The following CDK14 variants were observed in gnomAD, a reference collection of about 807,000 sequenced individuals.
The protein encoded by CDK14 is cyclin-dependent kinase 14.
CDK14 carries 34 observed loss-of-function variants against 60.7 expected under a neutral mutation model. That is an observed-to-expected ratio of 0.56 (90% CI 0.43 to 0.75). CDK14 has a LOEUF of 0.75. CDK14 is among the 30% of genes least tolerant of loss of function. The pLI is 0.00. For missense variants in CDK14, 482 were observed against 564.1 expected, an observed-to-expected ratio of 0.85 and a Z score of 1.47; for synonymous variants, 197 against 203.7, an observed-to-expected ratio of 0.97 and a Z score of 0.28.
intron 11 of CDK14, among the ~76,000 whole-genome samples, chr7:91,058,515 C>T (rs1797661358): frequency 6.6e-6 from 1 of 152,170 alleles, no homozygotes. Context: ...CCAGTTTTTG[C>T]CCATTCAGTA....
At chr7:91,008,150 C>CAA (rs1197897771) in intron 10 of CDK14, among the ~76,000 whole-genome samples, 8 of 89,546 alleles carry the variant, frequency 8.9e-5, no homozygotes, top group African/African-American at 2.5e-4. Flanking sequence ...AAAAAACAAA[C>CAA]AAAAAAAAAC....
intron 14 of CDK14, among the ~76,000 whole-genome samples, chr7:91,129,004 C>T (rs1800038962): frequency 1.3e-5 from 2 of 152,128 alleles, no homozygotes; most frequent in East Asian, 3.9e-4. Flanking sequence ...GTCTTACTTT[C>T]AGTTTTGTGG....
chr7:91,144,579 G>A lies in CDK14; in HGVS notation c.*28+26371G>A, dbSNP rs889645464. 3.9e-5 allele frequency among the ~76,000 whole-genome samples: 6 copies of A among 152,162 alleles called. No homozygotes were observed. In the East Asian group the frequency reaches 7.7e-4, roughly 20 times the overall value. On this transcript the variant is annotated intron_variant, in intron 14 of 14. Transcript: ENST00000380050. ...ATTTATGTTGACACAAGGGAGAAGC[G>A]ACGCAGATAACAGAAATCATTGAGT...
intron 10 of CDK14, among the ~76,000 whole-genome samples, chr7:90,999,425 TAA>T (rs11291818): frequency 8.2e-4 from 120 of 146,980 alleles, no homozygotes; most frequent in Admixed American, 6.7e-4. Context: ...CGTCTCTACT[TAA>T]AAAAAAAAAA....
At chr7:90,797,678 G>A (rs1238254750) in intron 5 of CDK14, among the ~76,000 whole-genome samples, 2 of 151,906 alleles carry the variant, frequency 1.3e-5, no homozygotes, top group African/African-American at 4.9e-5. Context: ...CTTCTGGAGA[G>A]GCCTCAGGAA....
At chr7:90,630,888 A>ATGTGTGTGTG (rs55859300) in intron 2 of CDK14, among the ~76,000 whole-genome samples, 5,093 of 148,434 alleles carry the variant, frequency 0.034, 206 homozygotes, top group African/African-American at 0.11. Flanking sequence ...TGGGGTGTGT[A>ATGTGTGTGTG]TGTGTGTGTG....
At chr7:91,114,918 T>C (rs1300077805) in intron 13 of CDK14, among the ~76,000 whole-genome samples, 2 of 152,214 alleles carry the variant, frequency 1.3e-5, no homozygotes, top group Non-Finnish European at 2.9e-5. Context: ...AAATGACTGG[T>C]TTGGGTGACT....
Position 91,009,004 on chromosome 7 carries a change from C to T in CDK14, c.1041+24763C>T, listed in dbSNP as rs540982305. ...ATTTCTTTGAACCTCCTTGTAGTCCCCCCTTTCCTTCCCTCTTTCTGCTTC... is the reference window on the plus strand; with the variant it reads ...ATTTCTTTGAACCTCCTTGTAGTCCTCCCTTTCCTTCCCTCTTTCTGCTTC... On this transcript the variant is annotated intron_variant, in intron 10 of 14. Coordinates refer to ENST00000380050, the MANE Select transcript of CDK14 (RefSeq NM_001287135.2). 2.6e-4 allele frequency among the ~76,000 whole-genome samples: 39 copies of T among 151,664 alleles called. 1 individual carries two copies. The South Asian group carries it at 5.6e-3, about 22-fold the overall frequency.
intron 2 of CDK14, among the ~76,000 whole-genome samples, chr7:90,628,778 G>A (rs989366159): frequency 5.3e-5 from 8 of 152,094 alleles, no homozygotes; most frequent in African/African-American, 1.9e-4. Context: ...GCAGGCTGCA[G>A]TGAGTTATGA....
intron 2 of CDK14, among the ~76,000 whole-genome samples, chr7:90,715,353 G>A (rs1455967058): frequency 1.3e-5 from 2 of 152,066 alleles, no homozygotes; most frequent in Non-Finnish European, 2.9e-5. Flanking sequence ...TGTATAGGTA[G>A]AAAGCGTCCT....
chr7:90,621,152 A>ATT (rs1362974045), intron 2 of CDK14, among the ~76,000 whole-genome samples: 1 of 152,150 alleles, frequency 6.6e-6, no homozygotes, highest in Non-Finnish European at 1.5e-5. Context: ...GTCTATGATG[A>ATT]TTACCCCAGA....
intron 8 of CDK14, among the ~76,000 whole-genome samples, chr7:90,938,128 T>C (rs915918778): frequency 6.6e-6 from 1 of 152,256 alleles, no homozygotes; most frequent in African/African-American, 2.4e-5. Context: ...ACTGATAAAA[T>C]GTTTACAAAT....
chr7:90,605,472 A>G (rs1339356191), intron 2 of CDK14, among the ~76,000 whole-genome samples: 1 of 152,162 alleles, frequency 6.6e-6, no homozygotes, highest in Non-Finnish European at 1.5e-5. Context: ...AGTGGGCAAT[A>G]ATGGAGTTTT....
intron 5 of CDK14, among the ~76,000 whole-genome samples, chr7:90,861,393 G>A (rs1328318193): frequency 6.6e-6 from 1 of 152,206 alleles, no homozygotes; most frequent in African/African-American, 2.4e-5. Context: ...GCCTGTGATA[G>A]CAAAGAGTGA....
At chr7:90,655,842 A>T (rs1218337279) in intron 2 of CDK14, among the ~76,000 whole-genome samples, 1 of 152,042 alleles carries the variant, frequency 6.6e-6, no homozygotes, top group African/African-American at 2.4e-5. Flanking sequence ...AGAGACTTTG[A>T]CTCATGCTGA....
At chr7:90,736,350 G>GTTTTTTTTTTTTT (rs869290471) in intron 3 of CDK14, among the ~76,000 whole-genome samples, 1 of 50,280 alleles carries the variant, frequency 2.0e-5, no homozygotes, top group African/African-American at 8.8e-5. Context: ...TTATGTTTTT[G>GTTTTTTTTTTTTT]TTTTTTTTTT....
At chr7:90,911,850 C>A (rs890660141) in intron 7 of CDK14, among the ~76,000 whole-genome samples, 12 of 151,756 alleles carry the variant, frequency 7.9e-5, no homozygotes, top group Non-Finnish European at 1.8e-4. Flanking sequence ...TTAATTTTAC[C>A]CACTTAAATT....
chr7:91,121,883 C>T (rs1159896227), intron 14 of CDK14, among the ~76,000 whole-genome samples: 1 of 152,066 alleles, frequency 6.6e-6, no homozygotes, highest in Non-Finnish European at 1.5e-5. Flanking sequence ...TATTGAATAC[C>T]ACATCCATTA....
chr7:90,700,479 ATCT>A (rs1157896506), intron 2 of CDK14, among the ~76,000 whole-genome samples: 1 of 152,164 alleles, frequency 6.6e-6, no homozygotes, highest in African/African-American at 2.4e-5. Context: ...CATCCAGATA[ATCT>A]TCTACCAGAG....
Sources: allele counts gnomAD v4.1 joint callset (sites outside exome capture counted in the v4.1 genomes callset), GRCh38; gene constraint gnomAD v4.1.1; transcripts MANE v1.5; gene names NCBI Gene and HGNC (gene_info 2026-07-23, HGNC 2026-07-21).